Variants in DIP2B observed in about 807,000 individuals in gnomAD.
The protein encoded by DIP2B is DIP2 acetate--CoA ligase B (putative), also known as disco-interacting protein 2 homolog B.
DIP2B carries 76 observed loss-of-function variants against 198.0 expected under a neutral mutation model. That is an observed-to-expected ratio of 0.38 (90% confidence interval 0.32 to 0.46). The LOEUF (loss-of-function observed/expected upper bound fraction) is 0.46. DIP2B is among the 20% of genes least tolerant of loss of function. The pLI is 0.99. For synonymous variants in DIP2B, 701 were observed against 739.1 expected, an observed-to-expected ratio of 0.95 and a Z score of 0.84; for missense variants, 1,559 against 1,978.4, an observed-to-expected ratio of 0.79 and a Z score of 4.02.
chr12:50,692,608 CAGG>C (rs1939241004), intron 13 of DIP2B, among the ~76,000 whole-genome samples: 1 of 152,080 alleles, frequency 6.6e-6, no homozygotes, highest in Admixed American at 6.5e-5. Context: ...GAGGCCGAGG[CAGG>C]AGGATCACTT....
intron 1 of DIP2B, among the ~76,000 whole-genome samples, chr12:50,534,932 A>G (rs1355787773): frequency 6.6e-6 from 1 of 152,116 alleles, no homozygotes; most frequent in Non-Finnish European, 1.5e-5. Context: ...TCCTATTTTA[A>G]ATTCACTGGA....
In DIP2B at chr12:50,505,183, G is replaced by A; in HGVS notation, c.43G>A (p.Ala15Thr). The change falls in exon 1 of 38, where the codon GCG becomes ACG. Residue 15 changes from alanine (A) to threonine (T), a missense_variant. Physicochemically the swap from Ala to Thr is moderately conservative, Grantham distance 58. Coordinates refer to ENST00000301180, the MANE Select transcript of DIP2B (RefSeq NM_173602.3). ...GGAGCCGTCGCCGGCCGCGGTGGCGGCGCTGCCGCCTGAAGTGCGGGCGCA... is the reference window on the plus strand; with the variant it reads ...GGAGCCGTCGCCGGCCGCGGTGGCGACGCTGCCGCCTGAAGTGCGGGCGCA... Reference protein sequence around the residue: ...GLEPSPAAVAALPPEVRAQLA... With the variant: ...GLEPSPAAVATLPPEVRAQLA... 1 of 1,525,924 alleles carries A rather than the reference G, an allele frequency of 6.6e-7. No individual in the cohort carries two copies. The allele number at this position is 1,525,924 out of a possible 1,614,324, so 94.5% of individuals were successfully genotyped here.
rs533443759 is a variant in DIP2B at position 50,546,079 on chromosome 12, G to A, written c.100+40839G>A. Among the ~76,000 whole-genome samples the A allele has an allele frequency of 6.6e-5, 10 of 152,298 alleles. No individual in the cohort carries two copies. The East Asian group carries it at 1.9e-3, about 29-fold the overall frequency. On this transcript the variant is annotated intron_variant, in intron 1 of 37. Coordinates refer to ENST00000301180, the MANE Select transcript of DIP2B (RefSeq NM_173602.3). ...TGCCTGTCAACTTTGTTTCCATTCTGCACTGATTGTATTATCTTATTCTAA... is the reference window on the plus strand; with the variant it reads ...TGCCTGTCAACTTTGTTTCCATTCTACACTGATTGTATTATCTTATTCTAA...
Position 50,630,052 on chromosome 12 carries a change from C to T in DIP2B, c.172+4005C>T, listed in dbSNP as rs572615755. Among the ~76,000 whole-genome samples, 9 of 151,446 alleles carry T rather than the reference C, an allele frequency of 5.9e-5. No homozygotes were observed. The East Asian group carries it at 1.2e-3, about 20-fold the overall frequency. On this transcript the variant is annotated intron_variant, in intron 2 of 37. Transcript: ENST00000301180. Reference sequence around the variant, plus strand: ...GCAACCTCCACCTCCCAGGTTCAAGCGATTCTCCTGCCTCAGCCTCCCAAG... The same window carrying T: ...GCAACCTCCACCTCCCAGGTTCAAGTGATTCTCCTGCCTCAGCCTCCCAAG...
At chr12:50,708,634 G>T in intron 22 of DIP2B, 72 bp downstream of exon 22, 3 of 1,262,844 alleles carry the variant, frequency 2.4e-6, no homozygotes, top group South Asian at 1.3e-5. Flanking sequence ...CATTTTCTTC[G>T]ATCAGCCAGT....
Position 50,699,084 on chromosome 12 carries a change from A to G in DIP2B, c.2207A>G (p.Lys736Arg), listed in dbSNP as rs1194761157. The G allele has an allele frequency of 2.5e-6, 4 of 1,614,062 alleles. No individual in the cohort carries two copies. The African/African-American group carries it at 5.3e-5, about 22-fold the overall frequency. The change falls in exon 19 of 38, where the codon AAA (lysine) becomes AGA (arginine). Residue 736 changes from lysine (K) to arginine (R), a missense_variant. Lys to Arg is a conservative substitution (Grantham distance 26). Coordinates refer to ENST00000301180, the MANE Select transcript of DIP2B (RefSeq NM_173602.3). ...ACGTTAGGGATGATGTGCATTGTGA[A>G]ACCAGATGGACCTCCCCAGCTCTGC... ...VMPGGMMCIV[K>R]PDGPPQLCKT...
chr12:50,564,915 A>C (rs929243997), intron 1 of DIP2B, among the ~76,000 whole-genome samples: 2 of 152,184 alleles, frequency 1.3e-5, no homozygotes, highest in Non-Finnish European at 2.9e-5. Flanking sequence ...ACCTGAGTCC[A>C]TCATTATATA....
chr12:50,723,152 T>A (rs752006385), intron 26 of DIP2B, 50 bp from the exon 27 acceptor site: 64 of 1,596,448 alleles, frequency 4.0e-5, no homozygotes, highest in Non-Finnish European at 2.9e-5. Context: ...AGTTTCTCAG[T>A]GCTCTTAGGC....
chr12:50,721,535 G>T, intron 26 of DIP2B, 139 bp downstream of exon 26: 1 of 1,302,522 alleles, frequency 7.7e-7, no homozygotes, highest in Non-Finnish European at 1.0e-6. Flanking sequence ...CATGCACACA[G>T]GCCAAAGTGG....
At chr12:50,637,100 C>A (rs1329232321) in intron 2 of DIP2B, among the ~76,000 whole-genome samples, 1 of 152,136 alleles carries the variant, frequency 6.6e-6, no homozygotes, top group East Asian at 1.9e-4. Context: ...GGAGTGAGGG[C>A]CCTATAATGA....
At chr12:50,693,157 T>C (rs1939250305) in intron 14 of DIP2B, 144 bp downstream of exon 14, 2 of 713,852 alleles carry the variant, frequency 2.8e-6, no homozygotes, top group East Asian at 5.7e-5. Context: ...CTATATAACC[T>C]TTCCACTGGA....
At chr12:50,697,304 A>G (rs1003930873) in intron 17 of DIP2B, 129 bp downstream of exon 17, 4 of 760,906 alleles carry the variant, frequency 5.3e-6, no homozygotes, top group Non-Finnish European at 8.1e-6. Flanking sequence ...CATTTTTCCC[A>G]CTCTTGCTCA....
chr12:50,575,396 T>G (rs11169498), intron 1 of DIP2B, among the ~76,000 whole-genome samples: 41,225 of 151,100 alleles, frequency 0.27, 5,949 homozygotes, highest in East Asian at 0.39. Context: ...GTTTTGTTTT[T>G]TTTTGAGACA....
chr12:50,557,478 A>G (rs1203036263), intron 1 of DIP2B, among the ~76,000 whole-genome samples: 1 of 152,196 alleles, frequency 6.6e-6, no homozygotes, highest in Non-Finnish European at 1.5e-5. Context: ...GATATAAAGC[A>G]TCGGCTGTAC....
intron 1 of DIP2B, among the ~76,000 whole-genome samples, chr12:50,517,597 A>G (rs796526883): frequency 3.3e-5 from 5 of 152,152 alleles, no homozygotes; most frequent in African/African-American, 1.2e-4. Flanking sequence ...TCCCTGTTTA[A>G]AAGTTTTCCT....
chr12:50,507,734 C>T (rs980674312), intron 1 of DIP2B, among the ~76,000 whole-genome samples: 5 of 152,120 alleles, frequency 3.3e-5, no homozygotes, highest in African/African-American at 1.2e-4. Context: ...CCGGGTTTCA[C>T]CGTGTTGGCC....
At chr12:50,623,510 GACACACACACACACACACGCAC>G (rs1041229613) in intron 1 of DIP2B, among the ~76,000 whole-genome samples, 7 of 74,070 alleles carry the variant, frequency 9.5e-5, no homozygotes, top group Non-Finnish European at 2.0e-4. Flanking sequence ...TAGCCTTCCA[GACACACACACACACACACGCAC>G]ACACACACAC....
intron 36 of DIP2B, 117 bp downstream of exon 36, chr12:50,739,703 T>C: frequency 8.1e-7 from 1 of 1,234,750 alleles, no homozygotes; most frequent in South Asian, 1.4e-5. Flanking sequence ...CTTCGGTGAC[T>C]CTTAAACCCA....
At chr12:50,526,114 A>G (rs1012207427) in intron 1 of DIP2B, among the ~76,000 whole-genome samples, 1 of 152,192 alleles carries the variant, frequency 6.6e-6, no homozygotes, top group Non-Finnish European at 1.5e-5. Flanking sequence ...TCTAGTGCCT[A>G]GAATAGAAGA....
Sources: gnomAD v4.1 joint callset for allele counts (sites outside exome capture counted in the v4.1 genomes callset) on GRCh38, gnomAD v4.1.1 for gene constraint, MANE v1.5 for transcripts, NCBI Gene and HGNC (gene_info 2026-07-23, HGNC 2026-07-21) for gene names.